Variants in PELI2 observed in about 807,000 individuals in gnomAD.
PELI2 encodes pellino E3 ubiquitin protein ligase family member 2.
A neutral mutation model predicts 42.3 loss-of-function variants in PELI2; 23 were observed. The observed-to-expected ratio is 0.54, with a 90% CI of 0.39 to 0.77. PELI2 has a LOEUF of 0.77. PELI2 is among the 30% of genes least tolerant of loss of function. PELI2 has a pLI of 0.00. For synonymous variants in PELI2, 245 were observed against 212.2 expected (o/e 1.15, Z -1.34); for missense variants, 463 against 553.2 (o/e 0.84, Z 1.64).
chr14:56,249,935 CTT>C (rs914679946), intron 2 of PELI2, among the ~76,000 whole-genome samples: 4 of 152,180 alleles, frequency 2.6e-5, no homozygotes, highest in African/African-American at 9.7e-5. Context: ...ATCTGTTTGA[CTT>C]TTGTGCACAG....
At chr14:56,227,711 A>G (rs1887410290) in intron 2 of PELI2, among the ~76,000 whole-genome samples, 1 of 152,210 alleles carries the variant, frequency 6.6e-6, no homozygotes, top group Non-Finnish European at 1.5e-5. Flanking sequence ...GTTTCTATAT[A>G]TCATTCTGCC....
chr14:56,221,782 C>T (rs567725676), intron 2 of PELI2, among the ~76,000 whole-genome samples: 103 of 152,254 alleles, frequency 6.8e-4, no homozygotes, highest in Non-Finnish European at 1.2e-3. Context: ...TTATTTTAAC[C>T]TTCTTTTGCA....
intron 2 of PELI2, among the ~76,000 whole-genome samples, chr14:56,196,792 T>A (rs578132725): frequency 6.6e-6 from 1 of 152,238 alleles, no homozygotes; most frequent in Admixed American, 6.5e-5. Context: ...ATTGTTTGAC[T>A]TCTGTTTTTT....
At chr14:56,290,888 GTTT>G (rs769721282) in intron 5 of PELI2, among the ~76,000 whole-genome samples, 22 of 152,248 alleles carry the variant, frequency 1.4e-4, no homozygotes, top group Non-Finnish European at 3.1e-4. Context: ...AAGTCAGCTG[GTTT>G]TCCCTTTGAA....
Position 56,202,709 on chromosome 14 carries a change from G to T in PELI2, c.207+24245G>T, listed in dbSNP as rs1322858627. 8.5e-5 allele frequency among the ~76,000 whole-genome samples: 13 copies of T among 152,172 alleles called. No individual in the cohort carries two copies. The East Asian group carries it at 2.5e-3, about 29-fold the overall frequency. On this transcript the variant is annotated intron_variant, in intron 2 of 5. Transcript: ENST00000267460. Reference sequence around the variant, plus strand: ...TTGGGGCAAGGCAGGGTCTTCTGGGGATGCGTCTCCTGATGTTCTGCAGTG... The same window carrying T: ...TTGGGGCAAGGCAGGGTCTTCTGGGTATGCGTCTCCTGATGTTCTGCAGTG...
At chr14:56,178,220 G>C (rs1885452681) in intron 1 of PELI2, 115 bp from the exon 2 acceptor site, 1 of 1,026,810 alleles carries the variant, frequency 9.7e-7, no homozygotes, top group East Asian at 2.5e-5. Flanking sequence ...GGAGTGTTTA[G>C]TGGGCAATTC....
intron 1 of PELI2, among the ~76,000 whole-genome samples, chr14:56,175,886 T>TAA (rs892294711): frequency 2.0e-5 from 3 of 152,324 alleles, no homozygotes; most frequent in Non-Finnish European, 4.4e-5. Flanking sequence ...TTTCCATTGC[T>TAA]TTTTGTGCTT....
At chr14:56,121,224 T>C (rs1452556480) in intron 1 of PELI2, among the ~76,000 whole-genome samples, 1 of 151,762 alleles carries the variant, frequency 6.6e-6, no homozygotes, top group Non-Finnish European at 1.5e-5. Flanking sequence ...AAGCTTTGCT[T>C]GTCAAATTCA....
intron 2 of PELI2, among the ~76,000 whole-genome samples, chr14:56,253,103 C>T (rs565917214): frequency 6.6e-6 from 1 of 152,310 alleles, no homozygotes; most frequent in South Asian, 2.1e-4. Context: ...ACAAAAACCA[C>T]ATGATTGTCT....
Position 56,139,432 on chromosome 14 carries a change from G to C in PELI2, c.77+20695G>C, listed in dbSNP as rs575064953. On this transcript the variant is annotated intron_variant, in intron 1 of 5. Transcript: ENST00000267460. ...GCTTATTTTCTAAGGAAAGTACCCT[G>C]AAGTTTTTTGTTGCGCTATGACAGT... 2.6e-5 allele frequency among the ~76,000 whole-genome samples: 4 copies of C among 152,294 alleles called. No homozygotes were observed. In the South Asian group the frequency reaches 8.3e-4, roughly 32 times the overall value.
At chr14:56,149,921 T>G (rs7145330) in intron 1 of PELI2, among the ~76,000 whole-genome samples, 87,380 of 151,938 alleles carry the variant, frequency 0.58, 25,326 homozygotes, top group South Asian at 0.65. Flanking sequence ...TTTGGTACTG[T>G]TCGGAGATTT....
intron 2 of PELI2, among the ~76,000 whole-genome samples, chr14:56,217,440 T>C (rs1886947429): frequency 6.6e-6 from 1 of 152,226 alleles, no homozygotes; most frequent in Non-Finnish European, 1.5e-5. Flanking sequence ...ATTCTGCTGT[T>C]GTAAGAGGAG....
intron 2 of PELI2, among the ~76,000 whole-genome samples, chr14:56,196,213 A>G (rs187519974): frequency 6.6e-6 from 1 of 152,314 alleles, no homozygotes; most frequent in Non-Finnish European, 1.5e-5. Context: ...CCTCCTTAAA[A>G]TAACGATGTC....
intron 1 of PELI2, among the ~76,000 whole-genome samples, chr14:56,136,958 T>A (rs1209644960): frequency 6.6e-6 from 1 of 152,198 alleles, no homozygotes; most frequent in African/African-American, 2.4e-5. Context: ...AAAAACTGCT[T>A]CACACTTCCT....
chr14:56,148,434 C>T (rs958968394), intron 1 of PELI2, among the ~76,000 whole-genome samples: 5 of 152,190 alleles, frequency 3.3e-5, no homozygotes, highest in African/African-American at 1.2e-4. Flanking sequence ...ACAGGCCCTG[C>T]CTGCATCAGT....
intron 2 of PELI2, among the ~76,000 whole-genome samples, chr14:56,243,490 C>G (rs924047976): frequency 6.6e-6 from 1 of 152,156 alleles, no homozygotes; most frequent in African/African-American, 2.4e-5. Flanking sequence ...AACTCAGTTT[C>G]TCTATCTGTG....
intron 2 of PELI2, among the ~76,000 whole-genome samples, chr14:56,185,524 A>G (rs1179906940): frequency 6.6e-6 from 1 of 152,168 alleles, no homozygotes; most frequent in African/African-American, 2.4e-5. Flanking sequence ...ATACCTACTT[A>G]TCATCATTTC....
intron 1 of PELI2, among the ~76,000 whole-genome samples, chr14:56,170,653 C>G (rs1885132283): frequency 6.6e-6 from 1 of 152,132 alleles, no homozygotes; most frequent in African/African-American, 2.4e-5. Flanking sequence ...GGTTTCTTGG[C>G]ACATAGTAAG....
chr14:56,138,114 C>T (rs984639762), intron 1 of PELI2, among the ~76,000 whole-genome samples: 4 of 152,186 alleles, frequency 2.6e-5, no homozygotes, highest in Admixed American at 1.3e-4. Flanking sequence ...CTCGCTGCAC[C>T]GGCTTGCCAC....
Sources: gnomAD v4.1 joint callset for allele counts (sites outside exome capture counted in the v4.1 genomes callset) on GRCh38, gnomAD v4.1.1 for gene constraint, MANE v1.5 for transcripts, NCBI Gene and HGNC (gene_info 2026-07-23, HGNC 2026-07-21) for gene names.